RELN: variants seen among roughly 807,000 people sequenced by gnomAD.
RELN encodes the protein reelin.
RELN carries 108 observed loss-of-function variants against 427.6 expected under a neutral mutation model. That is an observed-to-expected ratio of 0.25 (90% CI 0.22 to 0.30). RELN has a LOEUF of 0.30. Ranked by LOEUF, RELN falls within the 10% of genes least tolerant of loss-of-function variation. The pLI is 1.00. For missense variants in RELN, 3,715 were observed against 4,302.8 expected, an observed-to-expected ratio of 0.86 and a Z score of 3.82; for synonymous variants, 1,524 against 1,513.4, an observed-to-expected ratio of 1.01 and a Z score of -0.16.
At chr7:103,744,102 A>T (rs1790749585) in intron 6 of RELN, among the ~76,000 whole-genome samples, 1 of 152,214 alleles carries the variant, frequency 6.6e-6, no homozygotes, top group South Asian at 2.1e-4. Flanking sequence ...ACTCAGGATT[A>T]AGAAACTCAC....
chr7:103,962,142 G>A (rs1247162450), intron 1 of RELN, among the ~76,000 whole-genome samples: 1 of 151,990 alleles, frequency 6.6e-6, no homozygotes, highest in East Asian at 1.9e-4. Flanking sequence ...TATAGAAAGC[G>A]ATATTCAACA....
chr7:103,860,448 T>C (rs1794045962), intron 2 of RELN, among the ~76,000 whole-genome samples: 1 of 152,158 alleles, frequency 6.6e-6, no homozygotes, highest in Admixed American at 6.6e-5. Flanking sequence ...AATGAGGACT[T>C]GTTGAAGAAC....
chr7:103,938,293 T>C (rs1584384553), intron 1 of RELN, among the ~76,000 whole-genome samples: 2 of 151,112 alleles, frequency 1.3e-5, no homozygotes, highest in South Asian at 4.2e-4. Context: ...GCACTCCATC[T>C]CAAAAAAAGA....
intron 42 of RELN, among the ~76,000 whole-genome samples, chr7:103,544,045 TTTCA>T (rs1830230100): frequency 6.6e-6 from 1 of 152,174 alleles, no homozygotes; most frequent in Non-Finnish European, 1.5e-5. Flanking sequence ...GTCTGGCTTC[TTTCA>T]TTTAGCATGT....
At chr7:103,764,801 A>T (rs369652994) in intron 4 of RELN, among the ~76,000 whole-genome samples, 1 of 145,348 alleles carries the variant, frequency 6.9e-6, no homozygotes, top group Non-Finnish European at 1.5e-5. Flanking sequence ...GCACCACTGC[A>T]CTCCAGCCTG....
chr7:103,696,094 T>A (rs1833971361), intron 10 of RELN, among the ~76,000 whole-genome samples: 1 of 152,124 alleles, frequency 6.6e-6, no homozygotes, highest in Admixed American at 6.5e-5. Flanking sequence ...ACTCTATTAT[T>A]AAAAGGAGGT....
At chr7:103,957,864 A>G (rs145409547) in intron 1 of RELN, among the ~76,000 whole-genome samples, 3 of 152,348 alleles carry the variant, frequency 2.0e-5, no homozygotes, top group African/African-American at 7.2e-5. Context: ...GTACCTTAAT[A>G]GCAGATTTAC....
intron 3 of RELN, among the ~76,000 whole-genome samples, chr7:103,779,436 ACCC>A (rs1264139687): frequency 6.6e-6 from 1 of 151,872 alleles, no homozygotes; most frequent in Non-Finnish European, 1.5e-5. Flanking sequence ...ATTGAAATTT[ACCC>A]CCTAGGCACT....
intron 11 of RELN, among the ~76,000 whole-genome samples, chr7:103,666,660 G>C (rs1833274249): frequency 6.6e-6 from 1 of 152,012 alleles, no homozygotes; most frequent in African/African-American, 2.4e-5. Flanking sequence ...TTTACAAAGG[G>C]GTTCTGCATT....
intron 16 of RELN, among the ~76,000 whole-genome samples, chr7:103,646,139 A>C (rs1226263187): frequency 6.6e-6 from 1 of 151,802 alleles, no homozygotes; most frequent in Admixed American, 6.6e-5. Context: ...GTGCTAAGAG[A>C]GAAGGCTATA....
At chr7:103,700,824 AAAGT>A in intron 9 of RELN, 82 bp downstream of exon 9, 1 of 850,318 alleles carries the variant, frequency 1.2e-6, no homozygotes, top group South Asian at 1.3e-5. Flanking sequence ...CCCTAAAGAA[AAAGT>A]TAGTGGTGGA....
At chr7:103,547,206 A>G (rs1183954756) in intron 41 of RELN, among the ~76,000 whole-genome samples, 1 of 152,260 alleles carries the variant, frequency 6.6e-6, no homozygotes. Context: ...GTTAAATACC[A>G]GGATTAAGGA....
chr7:103,875,909 A>G (rs368372531), intron 2 of RELN, among the ~76,000 whole-genome samples: 1 of 152,116 alleles, frequency 6.6e-6, no homozygotes, highest in East Asian at 1.9e-4. Context: ...CTTAGGGCAT[A>G]ATTCATATTT....
chr7:103,542,417 C>T (rs1473752488), intron 43 of RELN, among the ~76,000 whole-genome samples: 1 of 152,132 alleles, frequency 6.6e-6, no homozygotes, highest in Non-Finnish European at 1.5e-5. Context: ...ATAAAGAAGA[C>T]ACAATATTTT....
At chr7:103,799,185 T>C (rs956636416) in intron 3 of RELN, among the ~76,000 whole-genome samples, 1 of 152,182 alleles carries the variant, frequency 6.6e-6, no homozygotes, top group African/African-American at 2.4e-5. Flanking sequence ...GTAACTAATT[T>C]AGAGATTCCA....
intron 2 of RELN, among the ~76,000 whole-genome samples, chr7:103,867,627 T>C (rs1794230631): frequency 6.6e-6 from 1 of 151,982 alleles, no homozygotes; most frequent in South Asian, 2.1e-4. Context: ...CCAAATTAAT[T>C]TGGGAGTCAG....
rs1017215116 is a variant in RELN, at chr7:103,753,574, AG to A, written c.545-361del. 3.5e-4 allele frequency among the ~76,000 whole-genome samples: 53 copies of A among 152,356 alleles called. 1 individual carries two copies. Among genetic ancestry groups the A allele is most frequent in the African/African-American group, 1.2e-3 (49 of 41,582 alleles). On this transcript the variant is annotated intron_variant, in intron 4 of 64. Transcript: ENST00000428762. Reference sequence around the variant, plus strand: ...ATATACATTCTCTCACCAGTATCACAGTGCATATGAACAAGCCAAATCTGAA... The same window carrying A: ...ATATACATTCTCTCACCAGTATCACATGCATATGAACAAGCCAAATCTGAA...
intron 3 of RELN, among the ~76,000 whole-genome samples, chr7:103,802,685 G>A (rs1041351736): frequency 6.6e-6 from 1 of 152,072 alleles, no homozygotes; most frequent in Non-Finnish European, 1.5e-5. Context: ...CAATAAAATT[G>A]CAAGTCTCCT....
chr7:103,700,836 G>C, intron 9 of RELN, 74 bp downstream of exon 9: 1 of 902,634 alleles, frequency 1.1e-6, no homozygotes. Flanking sequence ...AGTTAGTGGT[G>C]GATTGAAGGC....
Sources: allele counts gnomAD v4.1 joint callset (sites outside exome capture counted in the v4.1 genomes callset), GRCh38; gene constraint gnomAD v4.1.1; transcripts MANE v1.5; gene names NCBI Gene and HGNC (gene_info 2026-07-23, HGNC 2026-07-21).